The following PDE4D variants were observed in gnomAD, a reference collection of about 807,000 sequenced individuals.
PDE4D encodes phosphodiesterase 4D.
A neutral mutation model predicts 87.4 loss-of-function variants in PDE4D; 24 were observed. The observed-to-expected ratio is 0.27, with a 90% CI of 0.20 to 0.39. The LOEUF (loss-of-function observed/expected upper bound fraction) is 0.39. Among genes scored for constraint, PDE4D ranks in the 10% least tolerant of loss-of-function variants. The probability of loss-of-function intolerance (pLI) is 1.00; values close to 1 mark genes in which losing one functional copy is unlikely to be tolerated. For missense variants in PDE4D, 714 were observed against 1,041.0 expected, an observed-to-expected ratio of 0.69 and a Z score of 4.32; for synonymous variants, 384 against 383.2, an observed-to-expected ratio of 1.00 and a Z score of -0.02.
intron 1 of PDE4D, among the ~76,000 whole-genome samples, chr5:60,264,179 T>C (rs2149709396): frequency 6.6e-6 from 1 of 152,206 alleles, no homozygotes; most frequent in African/African-American, 2.4e-5. Flanking sequence ...ATGCACAAAA[T>C]ATGAAGCCTG....
chr5:59,345,461 G>A (rs774343619), intron 1 of PDE4D, among the ~76,000 whole-genome samples: 1 of 152,142 alleles, frequency 6.6e-6, no homozygotes, highest in African/African-American at 2.4e-5. Flanking sequence ...AGCTGCATAT[G>A]GATCAAACAG....
intron 3 of PDE4D, among the ~76,000 whole-genome samples, chr5:59,972,600 C>T (rs1760904043): frequency 6.6e-6 from 1 of 152,098 alleles, no homozygotes; most frequent in Non-Finnish European, 1.5e-5. Context: ...ACATGGAGAC[C>T]AAGCAAAAAT....
chr5:59,282,067 A>AT (rs980629046), intron 1 of PDE4D, among the ~76,000 whole-genome samples: 9 of 151,820 alleles, frequency 5.9e-5, no homozygotes, highest in South Asian at 4.2e-4. Flanking sequence ...TCTTCTAACT[A>AT]TTTTTTTTCT....
chr5:60,083,308 A>G lies in PDE4D; in HGVS notation c.43-94591T>C, dbSNP rs931864305. Reference sequence around the variant, plus strand: ...ATACCCATGAATTATATTAGACAGCACTGTATATGACATGAATTACACATT... The same window carrying G: ...ATACCCATGAATTATATTAGACAGCGCTGTATATGACATGAATTACACATT... On this transcript the variant is annotated intron_variant, in intron 2 of 16. Coordinates refer to the PDE4D transcript ENST00000502484. Among the ~76,000 whole-genome samples, 5 of 152,362 alleles carry G rather than the reference A, an allele frequency of 3.3e-5. No homozygotes were observed. The South Asian group carries it at 1.0e-3, about 32-fold the overall frequency.
chr5:59,431,365 A>G (rs1415887009), intron 1 of PDE4D, among the ~76,000 whole-genome samples: 2 of 152,126 alleles, frequency 1.3e-5, no homozygotes, highest in African/African-American at 2.4e-5. Context: ...ACAAAACCAC[A>G]AGTGTTCAGG....
At chr5:59,992,463 A>G (rs1763115701) in intron 2 of PDE4D, among the ~76,000 whole-genome samples, 1 of 152,180 alleles carries the variant, frequency 6.6e-6, no homozygotes, top group Non-Finnish European at 1.5e-5. Flanking sequence ...CCTCTAGAGA[A>G]CCCTGACTAA....
At chr5:59,395,272 G>GGGGCA (rs1264555872) in intron 1 of PDE4D, among the ~76,000 whole-genome samples, 2 of 152,196 alleles carry the variant, frequency 1.3e-5, no homozygotes, top group African/African-American at 4.8e-5. Context: ...TCCAACTCTG[G>GGGGCA]GGGCAGGGCA....
At chr5:59,940,149 G>T (rs759044941) in intron 3 of PDE4D, among the ~76,000 whole-genome samples, 15 of 152,164 alleles carry the variant, frequency 9.9e-5, no homozygotes, top group Non-Finnish European at 1.9e-4. Context: ...AGGAGGCTGT[G>T]CTTTATCATG....
intron 1 of PDE4D, among the ~76,000 whole-genome samples, chr5:60,196,674 C>T (rs1741248783): frequency 6.6e-6 from 1 of 151,548 alleles, no homozygotes; most frequent in Admixed American, 6.6e-5. Flanking sequence ...GGATAAAATT[C>T]CCTGAGTCAT....
At chr5:59,560,780 T>C (rs1390576658) in intron 1 of PDE4D, 2 of 152,178 alleles carry the variant, frequency 1.3e-5, no homozygotes, top group African/African-American at 4.8e-5. Flanking sequence ...AATAAATTCA[T>C]TGTTTCTGGA....
intron 1 of PDE4D, among the ~76,000 whole-genome samples, chr5:60,328,086 T>C (rs1354424210): frequency 1.3e-5 from 2 of 152,196 alleles, no homozygotes; most frequent in East Asian, 3.8e-4. Context: ...ACCCTCCTTA[T>C]TGGGCATTAG....
At chr5:59,302,898 C>A (rs1193573336) in intron 1 of PDE4D, among the ~76,000 whole-genome samples, 2 of 152,140 alleles carry the variant, frequency 1.3e-5, no homozygotes, top group Non-Finnish European at 2.9e-5. Context: ...GGGTAGATAC[C>A]TAGTAGTGGG....
At chr5:59,119,394 G>A (rs1245429225) in intron 5 of PDE4D, among the ~76,000 whole-genome samples, 1 of 152,162 alleles carries the variant, frequency 6.6e-6, no homozygotes, top group Non-Finnish European at 1.5e-5. Flanking sequence ...GTCCACAGAA[G>A]TACATTTATC....
intron 1 of PDE4D, among the ~76,000 whole-genome samples, chr5:59,508,187 A>G (rs911068191): frequency 2.0e-5 from 3 of 152,068 alleles, no homozygotes; most frequent in Non-Finnish European, 2.9e-5. Flanking sequence ...AGGGGCCTAA[A>G]CAGAGAAAGA....
At chr5:59,393,482 G>A (rs779612008) in intron 1 of PDE4D, among the ~76,000 whole-genome samples, 3 of 152,190 alleles carry the variant, frequency 2.0e-5, no homozygotes, top group Non-Finnish European at 4.4e-5. Context: ...AAACATATGT[G>A]TTAATGATTT....
rs529476761 is a variant in PDE4D, at chr5:59,430,035, T to C, written c.456-214067A>G. ...TTTCAAATTCTCATCATGGGTGATTTTGATGGCAATACAAGCACTGACAAT... is the reference window on the plus strand; with the variant it reads ...TTTCAAATTCTCATCATGGGTGATTCTGATGGCAATACAAGCACTGACAAT... On this transcript the variant is annotated intron_variant, in intron 1 of 14. Transcript: ENST00000340635. Among the ~76,000 whole-genome samples the C allele has an allele frequency of 1.6e-4, 25 of 152,286 alleles. No homozygotes were observed. In the South Asian group the frequency reaches 4.3e-3, roughly 26 times the overall value.
At chr5:59,268,184 G>A (rs766502275) in intron 1 of PDE4D, among the ~76,000 whole-genome samples, 2 of 151,794 alleles carry the variant, frequency 1.3e-5, no homozygotes, top group African/African-American at 2.4e-5. Flanking sequence ...TCTCTAATTC[G>A]CATCCTCAGC....
intron 1 of PDE4D, among the ~76,000 whole-genome samples, chr5:60,355,607 AC>A (rs1759553904): frequency 6.6e-6 from 1 of 152,080 alleles, no homozygotes; most frequent in African/African-American, 2.4e-5. Flanking sequence ...TTTGAGTATA[AC>A]TTTTGACTCC....
intron 1 of PDE4D, among the ~76,000 whole-genome samples, chr5:59,261,467 A>C (rs1174664309): frequency 6.6e-6 from 1 of 151,886 alleles, no homozygotes; most frequent in Non-Finnish European, 1.5e-5. Flanking sequence ...TTCTCTTATT[A>C]GTGAAATAGA....
Sources: gnomAD v4.1 joint callset for allele counts (sites outside exome capture counted in the v4.1 genomes callset) on GRCh38, gnomAD v4.1.1 for gene constraint, MANE v1.5 for transcripts, NCBI Gene and HGNC (gene_info 2026-07-23, HGNC 2026-07-21) for gene names.